The following BMP3 variants were observed in gnomAD, a reference collection of about 807,000 sequenced individuals.
The protein encoded by BMP3 is bone morphogenetic protein 3.
A neutral mutation model predicts 38.1 loss-of-function variants in BMP3; 23 were observed. That is an observed-to-expected ratio of 0.60 (90% confidence interval 0.43 to 0.86). The LOEUF (loss-of-function observed/expected upper bound fraction) is 0.86. BMP3 is among the 40% of genes least tolerant of loss of function. The pLI, the probability that BMP3 is intolerant of heterozygous loss-of-function variation, is 0.00. For missense variants in BMP3, 628 were observed against 579.6 expected, an observed-to-expected ratio of 1.08 and a Z score of -0.86; for synonymous variants, 258 against 225.7, an observed-to-expected ratio of 1.14 and a Z score of -1.28.
At chr4:81,043,600 T>TTTTG (rs1400602499) in intron 1 of BMP3, among the ~76,000 whole-genome samples, 1 of 150,424 alleles carries the variant, frequency 6.6e-6, no homozygotes, top group Non-Finnish European at 1.5e-5. Flanking sequence ...ATTTTTTTTT[T>TTTTG]TTTTTGAGAC....
At chr4:81,045,671 T>C (rs770082740) in intron 1 of BMP3, 67 bp from the exon 2 acceptor site, 37 of 1,313,064 alleles carry the variant, frequency 2.8e-5, no homozygotes, top group Non-Finnish European at 3.6e-5. Flanking sequence ...CATTTTGAGT[T>C]AATTGTCATA....
At position 81,031,475 on chromosome 4, in the gene BMP3, A is replaced by G. The variant is rs1739764477; in HGVS notation, c.191A>G (p.Tyr64Cys). The change falls in exon 1 of 3, where the codon TAT becomes TGT. Residue 64 changes from tyrosine (Y) to cysteine (C), a missense_variant. By Grantham distance (194) the Tyr-to-Cys change is radical. Transcript: ENST00000282701. Reference sequence around the variant, plus strand: ...GTCTCTGAACACATGCTGCGGCTCTATGACAGGTACAGCACGGTCCAGGCG... The same window carrying G: ...GTCTCTGAACACATGCTGCGGCTCTGTGACAGGTACAGCACGGTCCAGGCG... The part of the protein sequence containing the change: ...DKVSEHMLRL[Y>C]DRYSTVQAAR... 1.9e-6 allele frequency: 3 copies of G among 1,613,342 alleles called. No individual in the cohort carries two copies. Among genetic ancestry groups the G allele is most frequent in the Non-Finnish European group, 1.7e-6 (2 of 1,179,704 alleles).
chr4:81,032,171 T>C (rs927465836), intron 1 of BMP3, among the ~76,000 whole-genome samples: 1 of 129,314 alleles, frequency 7.7e-6, no homozygotes, highest in Admixed American at 9.2e-5. Flanking sequence ...TATTTGACAC[T>C]TTACTTGATA....
Position 81,046,318 on chromosome 4 carries a change from C to G in BMP3, c.897C>G (p.Asn299Lys). ...RSTGVLLPLQ[N>K]NELPGAEYQY... is the part of the protein sequence containing the mutation. The stretch of plus-strand genomic sequence containing the variant: ...CTGGGGTCTTGCTGCCTCTGCAGAA[C>G]AACGAGCTTCCTGGGGCAGAATACC... Residue 299 changes from asparagine (N) to lysine (K), a missense_variant, in exon 2 of 3, where the codon AAC becomes AAG. Transcript: ENST00000282701. The G allele has an allele frequency of 6.2e-7, 1 of 1,614,038 alleles. No homozygotes were observed. Among genetic ancestry groups the G allele is most frequent in the Non-Finnish European group, 8.5e-7 (1 of 1,180,016 alleles).
rs983323736 is a variant in BMP3 at position 81,031,207 on chromosome 4, C to T, written c.-78C>T. The T allele has an allele frequency of 1.3e-5, 18 of 1,434,410 alleles. No individual in the cohort carries two copies. The highest frequency in any genetic ancestry group is 1.6e-5 in the Non-Finnish European group (17 of 1,083,464). 88.9% of individuals were successfully genotyped at this position (1,434,410 alleles called of 1,614,324 possible). On this transcript the variant is annotated 5_prime_UTR_variant, in exon 1 of 3. Transcript: ENST00000282701. ...AGCTGGTTTGGAGTTCAACCCTCGG[C>T]TCCGCCGCCGGCTCCTTGCGCCTTC...
At chr4:81,042,210 C>A (rs1470284240) in intron 1 of BMP3, among the ~76,000 whole-genome samples, 1 of 152,012 alleles carries the variant, frequency 6.6e-6, no homozygotes, top group Non-Finnish European at 1.5e-5. Flanking sequence ...ATTTTCTTAC[C>A]AAGTCTTCAA....
rs375707053 is a variant in BMP3 at position 81,053,470 on chromosome 4, T to C, written c.1353T>C (p.Asp451=). 72 of 1,609,892 alleles carry C rather than the reference T, an allele frequency of 4.5e-5. 1 individual carries two copies. The highest frequency in any genetic ancestry group is 2.7e-4 in the South Asian group (24 of 90,344). ...KMSSLSILFF[D]ENKNVVLKVY... is the part of the protein sequence containing the mutation. ...CCTCACTCAGTATTTTATTCTTTGA[T>C]GAAAATAAGAATGTAGTGCTTAAAG... Residue 451 remains aspartate (D), a synonymous_variant, in exon 3 of 3, where the codon GAT becomes GAC. Transcript: ENST00000282701.
Position 81,045,792 on chromosome 4 carries a change from C to G in BMP3, c.371C>G (p.Ser124Cys), listed in dbSNP as rs201609808. ...YIFNLTSLTK[S>C]ENILSATLYF... ...TTCAATCTGACATCGCTAACCAAGT[C>G]TGAAAACATTTTGTCTGCCACACTG... is the stretch of plus-strand genomic sequence containing the variant. The change falls in exon 2 of 3, where the codon TCT becomes TGT. Residue 124 changes from serine (S) to cysteine (C), a missense_variant. Transcript: ENST00000282701. 1.1e-5 allele frequency: 18 copies of G among 1,613,290 alleles called. No homozygotes were observed. Among genetic ancestry groups the G allele is most frequent in the Non-Finnish European group, 1.5e-5 (18 of 1,179,798 alleles).
rs1421994194 is a variant in BMP3, at chr4:81,045,814, A to G, written c.393A>G (p.Thr131=). 2.5e-6 allele frequency: 4 copies of G among 1,613,854 alleles called. No individual in the cohort carries two copies. In the Admixed American group the frequency reaches 5.0e-5, roughly 20 times the overall value. Residue 131 remains threonine (T), a synonymous_variant, in exon 2 of 3, where the codon ACA becomes ACG. Coordinates refer to ENST00000282701, the MANE Select transcript of BMP3 (RefSeq NM_001201.5). ...AGTCTGAAAACATTTTGTCTGCCAC[A>G]CTGTATTTCTGTATTGGAGAGCTAG... The part of the protein sequence containing the change: ...LTKSENILSA[T]LYFCIGELGN...
Position 81,045,790 on chromosome 4 carries a change from G to A in BMP3, c.369G>A (p.Lys123=). 6.2e-7 allele frequency: 1 copy of A among 1,613,354 alleles called. No individual in the cohort carries two copies. The highest frequency in any genetic ancestry group is 8.5e-7 in the Non-Finnish European group (1 of 1,179,796). ...TCTTCAATCTGACATCGCTAACCAA[G>A]TCTGAAAACATTTTGTCTGCCACAC... The part of the protein sequence containing the change: ...LYIFNLTSLT[K]SENILSATLY... Residue 123 remains lysine (K), a synonymous_variant, in exon 2 of 3, where the codon AAG becomes AAA. Transcript: ENST00000282701.
chr4:81,048,650 G>A (rs145139176), intron 2 of BMP3, among the ~76,000 whole-genome samples: 3 of 152,268 alleles, frequency 2.0e-5, no homozygotes, highest in African/African-American at 7.2e-5. Flanking sequence ...GCTCCATCAT[G>A]TTTCTCAGTG....
At chr4:81,047,947 G>T (rs1287007116) in intron 2 of BMP3, among the ~76,000 whole-genome samples, 8 of 91,550 alleles carry the variant, frequency 8.7e-5, no homozygotes, top group East Asian at 6.4e-4. Flanking sequence ...ACTCTGAAGA[G>T]AAAAAAAAAA....
In BMP3 at chr4:81,045,832, A is replaced by G. The variant is rs777768566; in HGVS notation, c.411A>G (p.Gly137=). 1.2e-6 allele frequency: 2 copies of G among 1,614,000 alleles called. No homozygotes were observed. The highest frequency in any genetic ancestry group is 1.3e-5 in the African/African-American group (1 of 74,930). The change falls in exon 2 of 3, where the codon GGA becomes GGG. Residue 137 remains glycine (G), a synonymous_variant. Coordinates refer to ENST00000282701, the MANE Select transcript of BMP3 (RefSeq NM_001201.5). ...ILSATLYFCI[G]ELGNISLSCP... The stretch of plus-strand genomic sequence containing the variant: ...CTGCCACACTGTATTTCTGTATTGG[A>G]GAGCTAGGAAACATCAGCCTGAGTT...
rs6851199 is a variant in BMP3 at position 81,033,816 on chromosome 4, T to A, written c.316+2216T>A. Among the ~76,000 whole-genome samples the A allele has an allele frequency of 7.9e-3, 1,204 of 152,310 alleles. 11 individuals carry two copies. Among genetic ancestry groups the A allele is most frequent in the African/African-American group, 0.021 (877 of 41,560 alleles). ...CTTTCACCTTGTGACATATGTTCCC[T>A]TGTAGGTGAAAGATGCTGTCTAAAT... On this transcript the variant is annotated intron_variant, in intron 1 of 2. Transcript: ENST00000282701.
intron 1 of BMP3, among the ~76,000 whole-genome samples, chr4:81,032,980 G>T (rs1002100020): frequency 6.6e-6 from 1 of 152,176 alleles, no homozygotes; most frequent in Non-Finnish European, 1.5e-5. Context: ...AGGCTGTCCT[G>T]ACAGCTGACT....
At chr4:81,049,615 T>G (rs1174101110) in intron 2 of BMP3, among the ~76,000 whole-genome samples, 1 of 152,164 alleles carries the variant, frequency 6.6e-6, no homozygotes, top group Non-Finnish European at 1.5e-5. Context: ...CTTTTAAAGC[T>G]TTCTAGTGGT....
intron 1 of BMP3, among the ~76,000 whole-genome samples, chr4:81,033,330 A>G (rs1037257632): frequency 6.6e-6 from 1 of 152,194 alleles, no homozygotes. Context: ...AAAGATTTTA[A>G]CAACTCAGGC....
chr4:81,046,019 A>C lies in BMP3; in HGVS notation c.598A>C (p.Lys200Gln). The C allele has an allele frequency of 6.2e-7, 1 of 1,614,186 alleles. No homozygotes were observed. Among genetic ancestry groups the C allele is most frequent in the South Asian group, 1.1e-5 (1 of 91,088 alleles). The change falls in exon 2 of 3, where the codon AAA becomes CAA. Residue 200 changes from lysine (K) to glutamine (Q), a missense_variant. Lys to Gln is a moderately conservative substitution (Grantham distance 53). Coordinates refer to ENST00000282701, the MANE Select transcript of BMP3 (RefSeq NM_001201.5). ...SHRDIMSWLS[K>Q]DITQLLRKAK... The stretch of plus-strand genomic sequence containing the variant: ...TCGAGATATTATGTCCTGGCTGTCT[A>C]AAGATATCACTCAACTCTTGAGGAA...
chr4:81,047,135 G>A (rs1436642679), intron 2 of BMP3, among the ~76,000 whole-genome samples: 1 of 152,204 alleles, frequency 6.6e-6, no homozygotes, highest in Non-Finnish European at 1.5e-5. Context: ...TGTCCCCACA[G>A]AGGTCAGGAT....
Sources: allele counts gnomAD v4.1 joint callset (sites outside exome capture counted in the v4.1 genomes callset), GRCh38; gene constraint gnomAD v4.1.1; transcripts MANE v1.5; gene names NCBI Gene and HGNC (gene_info 2026-07-23, HGNC 2026-07-21).